ZNF723: variants seen among roughly 807,000 people sequenced by gnomAD.
ZNF723 encodes zinc finger protein 723, pseudogene.
A neutral mutation model predicts 9.4 loss-of-function variants in ZNF723; 5 were observed. The ratio of observed to expected loss-of-function variants is 0.53; its 90% CI spans 0.28 to 1.12. ZNF723 has a LOEUF of 1.12. Ranked by LOEUF, ZNF723 falls within the 50% of genes most tolerant of loss-of-function variation. ZNF723 has a pLI of 0.10. For missense variants in ZNF723, 450 were observed against 501.5 expected (o/e 0.90, Z 0.98); for synonymous variants, 158 against 168.8 (o/e 0.94, Z 0.49).
At chr19:22,847,604 A>G (rs181351542) in intron 1 of ZNF723, among the ~76,000 whole-genome samples, 356 of 152,246 alleles carry the variant, frequency 2.3e-3, no homozygotes, top group African/African-American at 8.2e-3. Context: ...TTCTAACTCA[A>G]CATGTCTTTT....
At chr19:22,812,954 T>G in the ZNF723 span, among the ~76,000 whole-genome samples, 5 of 151,304 alleles carry the variant, frequency 3.3e-5, no homozygotes, top group South Asian at 2.1e-4. Flanking sequence ...AAGGTGTTTT[T>G]TTTGTTTGTT....
chr19:22,820,501 G>T, the ZNF723 span, among the ~76,000 whole-genome samples: 1 of 152,196 alleles, frequency 6.6e-6, no homozygotes, highest in Non-Finnish European at 1.5e-5. Context: ...CAGGTAATGT[G>T]ACTCTCCTGC....
Position 22,857,395 on chromosome 19 carries a change from T to C in ZNF723, c.504T>C (p.Thr168=), listed in dbSNP as rs1025810724. The change falls in exon 4 of 4, where the codon ACT becomes ACC. Residue 168 remains threonine (T), a synonymous_variant. Transcript: ENST00000600766. The part of the protein sequence containing the change: ...SSSNSQKIRH[T]GNNSFKCKEC... ...CAAATAGCCAGAAGATAAGACATAC[T>C]GGAAATAATTCTTTCAAATGTAAAG... is the stretch of plus-strand genomic sequence containing the variant. 1 of 853,238 alleles carries C rather than the reference T, an allele frequency of 1.2e-6. No homozygotes were observed. Among genetic ancestry groups the C allele is most frequent in the East Asian group, 2.5e-5 (1 of 40,804 alleles). The allele number at this position is 853,238 out of a possible 1,614,324, so 52.9% of individuals were successfully genotyped here. A position where few individuals can be genotyped will look rare whatever the true frequency, so the allele number is the denominator to read the frequency against.
intron 1 of ZNF723, among the ~76,000 whole-genome samples, chr19:22,843,149 G>C (rs1190562178): frequency 2.6e-5 from 4 of 152,160 alleles, no homozygotes; most frequent in Admixed American, 2.0e-4. Context: ...TGGATAATCA[G>C]GACAGGTGAT....
At chr19:22,825,056 G>A in the ZNF723 span, among the ~76,000 whole-genome samples, 16 of 152,254 alleles carry the variant, frequency 1.1e-4, no homozygotes, top group East Asian at 3.1e-3. Flanking sequence ...ATTCTTATAT[G>A]CACACCCACC....
At chr19:22,839,526 G>A (rs1432944654) in intron 1 of ZNF723, among the ~76,000 whole-genome samples, 1 of 149,826 alleles carries the variant, frequency 6.7e-6, no homozygotes, top group African/African-American at 2.5e-5. Context: ...GAGTGCAGTG[G>A]CATGATCTCA....
chr19:22,838,159 ATCT>A lies in ZNF723; in HGVS notation c.3+5782_3+5784del, dbSNP rs376859041. On this transcript the variant is annotated intron_variant, in intron 1 of 3. Transcript: ENST00000600766. ...ACACCAAACAGATTTTTGTTTTTTA[ATCT>A]TCTTTGTTCTCCCACTCTCCACCCC... Among the ~76,000 whole-genome samples, 191 of 152,210 alleles carry A rather than the reference ATCT, an allele frequency of 1.3e-3. 3 individuals are homozygous for A. Among genetic ancestry groups the A allele is most frequent in the South Asian group, 0.012 (57 of 4,820 alleles).
intron 1 of ZNF723, among the ~76,000 whole-genome samples, chr19:22,839,458 T>A (rs1967210639): frequency 7.0e-6 from 1 of 142,522 alleles, no homozygotes; most frequent in Non-Finnish European, 1.5e-5. Context: ...CCAGCATGTT[T>A]TTTTTTGGTT....
chr19:22,814,121 T>C, the ZNF723 span, among the ~76,000 whole-genome samples: 1 of 152,272 alleles, frequency 6.6e-6, no homozygotes, highest in African/African-American at 2.4e-5. Context: ...CAGCAAAACA[T>C]TTTTAAATGA....
intron 1 of ZNF723, among the ~76,000 whole-genome samples, chr19:22,847,023 ACT>A (rs1245228337): frequency 7.2e-6 from 1 of 139,338 alleles, no homozygotes; most frequent in Non-Finnish European, 1.6e-5. Flanking sequence ...TTGGATAAGC[ACT>A]CTCTGACAGA....
intron 3 of ZNF723, among the ~76,000 whole-genome samples, chr19:22,849,680 G>A (rs1168666900): frequency 6.6e-5 from 10 of 152,114 alleles, no homozygotes; most frequent in African/African-American, 2.4e-5. Context: ...AGGCCGAGGC[G>A]GGTGGATCAC....
In ZNF723 at chr19:22,857,381, A is replaced by C. The variant is rs1967494703; in HGVS notation, c.490A>C (p.Lys164Gln). 1.2e-6 allele frequency: 1 copy of C among 833,702 alleles called. No homozygotes were observed. 51.6% of individuals were successfully genotyped at this position (833,702 alleles called of 1,614,324 possible). ...TAAATTTTCAAGTTCAAATAGCCAGAAGATAAGACATACTGGAAATAATTC... is the reference window on the plus strand; with the variant it reads ...TAAATTTTCAAGTTCAAATAGCCAGCAGATAAGACATACTGGAAATAATTC... ...FHKFSSSNSQKIRHTGNNSFK... is the reference protein window; with the variant it reads ...FHKFSSSNSQQIRHTGNNSFK... Residue 164 changes from lysine to glutamine, a missense_variant, in exon 4 of 4, where the codon AAG (lysine) becomes CAG (glutamine). Physicochemically the swap from Lys to Gln is moderately conservative, Grantham distance 53. This residue lies in a region of ZNF723 where 143 missense variants were observed against 101.3 expected (regional missense o/e 1.41). Coordinates refer to ENST00000600766, the MANE Select transcript of ZNF723 (RefSeq NM_001349726.2).
intron 1 of ZNF723, among the ~76,000 whole-genome samples, chr19:22,833,942 T>C (rs1270440829): frequency 3.1e-4 from 44 of 142,542 alleles, no homozygotes; most frequent in African/African-American, 1.2e-3. Flanking sequence ...TTTTTTTTTT[T>C]TTTTTTCCGA....
chr19:22,820,639 C>T, the ZNF723 span, among the ~76,000 whole-genome samples: 1 of 152,238 alleles, frequency 6.6e-6, no homozygotes, highest in East Asian at 1.9e-4. Flanking sequence ...TTTAGAGAAA[C>T]AGGTAAGATC....
intron 1 of ZNF723, among the ~76,000 whole-genome samples, chr19:22,846,576 T>C (rs576543536): frequency 1.3e-5 from 2 of 152,206 alleles, no homozygotes; most frequent in East Asian, 1.9e-4. Flanking sequence ...TGAGGCAAGA[T>C]TGCGCCACTG....
intron 1 of ZNF723, among the ~76,000 whole-genome samples, chr19:22,842,973 C>A (rs2061774): frequency 3.3e-5 from 5 of 151,912 alleles, no homozygotes; most frequent in Admixed American, 6.6e-5. Flanking sequence ...TATGTGAGGG[C>A]CACCAGGTAT....
At chr19:22,819,467 C>T in the ZNF723 span, among the ~76,000 whole-genome samples, 1 of 152,228 alleles carries the variant, frequency 6.6e-6, no homozygotes, top group African/African-American at 2.4e-5. Flanking sequence ...TTAGGCCCAT[C>T]ACCTAGGTGA....
At chr19:22,827,493 G>A (rs914914573), upstream of ZNF723, among the ~76,000 whole-genome samples, 1 of 151,660 alleles carries the variant, frequency 6.6e-6, no homozygotes, top group Non-Finnish European at 1.5e-5. Context: ...TGTAGCTCAG[G>A]CTGGAGAGCA....
At chr19:22,834,300 C>G (rs967966281) in intron 1 of ZNF723, among the ~76,000 whole-genome samples, 1 of 151,656 alleles carries the variant, frequency 6.6e-6, no homozygotes, top group Non-Finnish European at 1.5e-5. Context: ...GATTCGTTTT[C>G]TATTTTTAAG....
Sources: allele counts gnomAD v4.1 joint callset (sites outside exome capture counted in the v4.1 genomes callset), GRCh38; gene constraint gnomAD v4.1.1; regional missense constraint gnomAD v4.1.1; transcripts MANE v1.5; gene names NCBI Gene and HGNC (gene_info 2026-07-23, HGNC 2026-07-21).